Variants in SELE observed in about 807,000 individuals in gnomAD.
SELE encodes the protein E-selectin.
In SELE, 52 loss-of-function variants were observed where a neutral mutation model predicts 75.8. The ratio of observed to expected loss-of-function variants is 0.69; its 90% CI spans 0.55 to 0.86. The LOEUF (loss-of-function observed/expected upper bound fraction) is 0.86, where lower values mean the gene tolerates loss of function less well. SELE is among the 40% of genes least tolerant of loss of function. The pLI is 0.00. For synonymous variants in SELE, 285 were observed against 258.7 expected, an observed-to-expected ratio of 1.10 and a Z score of -0.98; for missense variants, 754 against 732.7, an observed-to-expected ratio of 1.03 and a Z score of -0.34.
In SELE at chr1:169,723,527, A is replaced by C. The variant is rs1267539200; in HGVS notation, c.*998T>G. On this transcript the variant is annotated 3_prime_UTR_variant, in exon 14 of 14. Transcript: ENST00000333360. ...ACGTTTGGCCTCATGGAAGTTTTTC[A>C]TCGTGGAAACCACATATTTCTGAAA... The C allele has an allele frequency of 6.6e-6, 1 of 152,256 alleles. No homozygotes were observed. Among genetic ancestry groups the C allele is most frequent in the Non-Finnish European group, 1.5e-5 (1 of 68,042 alleles). The allele number at this position is 152,256 out of a possible 1,614,324, so 9.4% of individuals were successfully genotyped here. A position where few individuals can be genotyped will look rare whatever the true frequency, so the allele number is the denominator to read the frequency against.
intron 5 of SELE, 69 bp downstream of exon 5, chr1:169,730,363 T>C: frequency 3.0e-6 from 4 of 1,326,040 alleles, no homozygotes; most frequent in Non-Finnish European, 4.0e-6. Flanking sequence ...AAAATGTAAG[T>C]TGAATCAAAA....
At chr1:169,730,722 AT>A in intron 4 of SELE, 105 bp from the exon 5 acceptor site, 1 of 592,766 alleles carries the variant, frequency 1.7e-6, no homozygotes, top group African/African-American at 1.9e-5. Context: ...TAGTTTAAAA[AT>A]TTATAAAATT....
At chr1:169,725,860 A>G in intron 12 of SELE, 47 bp downstream of exon 12, 3 of 1,613,956 alleles carry the variant, frequency 1.9e-6, no homozygotes, top group Non-Finnish European at 1.7e-6. Flanking sequence ...AGAGAGAAAA[A>G]TATGTGGAAT....
intron 9 of SELE, 102 bp downstream of exon 9, chr1:169,727,637 G>T: frequency 6.5e-7 from 1 of 1,532,734 alleles, no homozygotes; most frequent in Non-Finnish European, 8.8e-7. Context: ...TTAGTTTTCA[G>T]CATGTAGGAA....
intron 8 of SELE, 28 bp downstream of exon 8, chr1:169,728,030 T>G (rs766182743): frequency 1.3e-6 from 2 of 1,584,624 alleles, no homozygotes; most frequent in Non-Finnish European, 1.7e-6. Context: ...CTTTTTATCT[T>G]AAAATAAAAT....
chr1:169,733,763 A>G lies in SELE; in HGVS notation c.-48-103T>C, dbSNP rs954054964. On this transcript the variant is annotated intron_variant, in intron 1 of 13. Transcript: ENST00000333360. ...AGGCAGCATCCTAAGATTTTGGGCA[A>G]AGGACACTAGTGCAATAATCTTTAT... is the stretch of plus-strand genomic sequence containing the variant. The G allele has an allele frequency of 8.4e-6, 6 of 715,004 alleles. No individual in the cohort carries two copies. The African/African-American group carries it at 1.1e-4, about 13-fold the overall frequency. 44.3% of individuals were successfully genotyped at this position (715,004 alleles called of 1,614,324 possible).
intron 11 of SELE, among the ~76,000 whole-genome samples, 199 bp downstream of exon 11, chr1:169,726,500 A>G (rs1410813726): frequency 6.6e-6 from 1 of 152,220 alleles, no homozygotes; most frequent in East Asian, 1.9e-4. Flanking sequence ...ATTAGGCACG[A>G]CTAACATTTT....
At position 169,733,170 on chromosome 1, in the gene SELE, T is replaced by C. The variant is rs553836859; in HGVS notation, c.38-172A>G. Among the ~76,000 whole-genome samples, 4 of 152,298 alleles carry C rather than the reference T, an allele frequency of 2.6e-5. No individual in the cohort carries two copies. In the South Asian group the frequency reaches 8.3e-4, roughly 32 times the overall value. The stretch of plus-strand genomic sequence containing the variant: ...TGAAGAAACAGCGACTTATTGTTTA[T>C]CTCTTTTGTGACTGCCACCCACTAG... On this transcript the variant is annotated intron_variant, in intron 2 of 13. Coordinates refer to ENST00000333360, the MANE Select transcript of SELE (RefSeq NM_000450.2).
intron 5 of SELE, 117 bp downstream of exon 5, chr1:169,730,313 TAA>T: frequency 1.0e-6 from 1 of 967,434 alleles, no homozygotes; most frequent in Non-Finnish European, 1.5e-6. Context: ...CAAATTGTAT[TAA>T]AAACAAAAAC....
Position 169,728,130 on chromosome 1 carries a change from C to G in SELE, c.1207G>C (p.Val403Leu). The G allele has an allele frequency of 6.2e-7, 1 of 1,614,218 alleles. No homozygotes were observed. Among genetic ancestry groups the G allele is most frequent in the Non-Finnish European group, 8.5e-7 (1 of 1,180,032 alleles). Residue 403 changes from valine (V) to leucine (L), a missense_variant, in exon 8 of 14, where the codon GTG becomes CTG. Physicochemically the swap from Val to Leu is conservative, Grantham distance 32 (BLOSUM62 1). Coordinates refer to ENST00000333360, the MANE Select transcript of SELE (RefSeq NM_000450.2). Reference sequence around the variant, plus strand: ...TGGAGCCTTTTGGATCCCTTCAACACAAAACCCTGCTCACAGGAGAACTCA... The same window carrying G: ...TGGAGCCTTTTGGATCCCTTCAACAGAAAACCCTGCTCACAGGAGAACTCA... ...SCEFSCEQGF[V>L]LKGSKRLQCG...
At chr1:169,730,664 A>C in intron 4 of SELE, 47 bp from the exon 5 acceptor site, 1 of 1,204,604 alleles carries the variant, frequency 8.3e-7, no homozygotes, top group Non-Finnish European at 1.1e-6. Flanking sequence ...CACCTTTAAC[A>C]GATAAGAACA....
At chr1:169,731,741 G>A in intron 4 of SELE, 94 bp downstream of exon 4, 1 of 777,602 alleles carries the variant, frequency 1.3e-6, no homozygotes, top group African/African-American at 1.7e-5. Context: ...CTGCACCAGG[G>A]AAGGGAAGGC....
rs761934505 is a variant in SELE, at chr1:169,727,775, G to C, written c.1432C>G (p.Gln478Glu). ...GGAACCTCTTCTGTCCATTGTCCCTGAGATGTGCACTCAAGTTGAGTTGAT... is the reference window on the plus strand; with the variant it reads ...GGAACCTCTTCTGTCCATTGTCCCTCAGATGTGCACTCAAGTTGAGTTGAT... Reference protein sequence around the residue: ...HGSTQLECTSQGQWTEEVPSC... With the variant: ...HGSTQLECTSEGQWTEEVPSC... The change falls in exon 9 of 14, where the codon CAG (glutamine) becomes GAG (glutamate). Residue 478 changes from glutamine (Q) to glutamate (E), a missense_variant. Transcript: ENST00000333360. The C allele has an allele frequency of 1.4e-5, 23 of 1,614,174 alleles. No individual in the cohort carries two copies. Among genetic ancestry groups the C allele is most frequent in the Middle Eastern group, 1.6e-4 (1 of 6,062 alleles).
At position 169,733,625 on chromosome 1, in the gene SELE, T is replaced by C. The variant is rs1648973504; in HGVS notation, c.-13A>G. 1 of 1,613,860 alleles carries C rather than the reference T, an allele frequency of 6.2e-7. No individual in the cohort carries two copies. Among genetic ancestry groups the C allele is most frequent in the Non-Finnish European group, 8.5e-7 (1 of 1,179,738 alleles). On this transcript the variant is annotated 5_prime_UTR_variant, in exon 2 of 14. Transcript: ENST00000333360. Reference sequence around the variant, plus strand: ...GTGAAGCAATCATGACTTCAAGAGTTCTTTTCACCCAAAGGTTTAGGCTTG... The same window carrying C: ...GTGAAGCAATCATGACTTCAAGAGTCCTTTTCACCCAAAGGTTTAGGCTTG...
rs777003846 is a variant in SELE at position 169,732,717 on chromosome 1, T to G, written c.319A>C (p.Lys107Gln). 3.5e-5 allele frequency: 56 copies of G among 1,613,956 alleles called. No homozygotes were observed. The highest frequency in any genetic ancestry group is 4.6e-5 in the Non-Finnish European group (54 of 1,180,006). The change falls in exon 3 of 14, where the codon AAA becomes CAA. Residue 107 changes from lysine to glutamine, a missense_variant. By Grantham distance (53) the Lys-to-Gln change is moderately conservative. Coordinates refer to ENST00000333360, the MANE Select transcript of SELE (RefSeq NM_000450.2). ...WAPGEPNNRQ[K>Q]DEDCVEIYIK... is the part of the protein sequence containing the mutation. ...TAGATCTCCACGCAGTCCTCATCTT[T>G]TTGCCTATTGTTGGGTTCACCTGGA...
rs945627380 is a variant in SELE, at chr1:169,722,981, T to C, written c.*1544A>G. On this transcript the variant is annotated 3_prime_UTR_variant, in exon 14 of 14. Transcript: ENST00000333360. ...CCTTATCACATCTCTGTTTTGACTG[T>C]TGGCTTTGTTGTTGCCAGTGTTCAG... The C allele has an allele frequency of 1.3e-5, 2 of 152,236 alleles. No homozygotes were observed. Among genetic ancestry groups the C allele is most frequent in the Non-Finnish European group, 2.9e-5 (2 of 68,042 alleles). 9.4% of individuals were successfully genotyped at this position (152,236 alleles called of 1,614,324 possible). A position where few individuals can be genotyped will look rare whatever the true frequency, so the allele number is the denominator to read the frequency against.
chr1:169,727,269 G>T, intron 10 of SELE, 80 bp downstream of exon 10: 1 of 1,461,778 alleles, frequency 6.8e-7, no homozygotes, highest in Non-Finnish European at 9.3e-7. Flanking sequence ...TGGATATAAT[G>T]AATAGTTGAT....
intron 7 of SELE, among the ~76,000 whole-genome samples, chr1:169,728,601 T>G (rs1571145087): frequency 1.3e-5 from 2 of 152,210 alleles, no homozygotes; most frequent in South Asian, 4.1e-4. Context: ...CCTATAAAAT[T>G]TGTCTGTTTT....
In SELE at chr1:169,732,622, G is replaced by A. The variant is rs1290727346; in HGVS notation, c.414C>T (p.Cys138=). The stretch of plus-strand genomic sequence containing the variant: ...CTGCCGCAAACTCCCTACCTGTGTA[G>A]CATAGGGCAAGCTTCTTCTTGCTGC... The part of the protein sequence containing the change: ...ERCSKKKLAL[C]YTAACTNTSC... The change falls in exon 3 of 14, where the codon TGC becomes TGT. Residue 138 remains cysteine, a synonymous_variant. Transcript: ENST00000333360. 1 of 1,595,016 alleles carries A rather than the reference G, an allele frequency of 6.3e-7. No individual in the cohort carries two copies. Among genetic ancestry groups the A allele is most frequent in the South Asian group, 1.2e-5 (1 of 86,754 alleles).
Sources: allele counts gnomAD v4.1 joint callset (sites outside exome capture counted in the v4.1 genomes callset), GRCh38; gene constraint gnomAD v4.1.1; transcripts MANE v1.5; gene names NCBI Gene and HGNC (gene_info 2026-07-23, HGNC 2026-07-21).